The following TET1 variants were observed in gnomAD, a reference collection of about 807,000 sequenced individuals.
The protein encoded by TET1 is tet methylcytosine dioxygenase 1, also known as methylcytosine dioxygenase TET1.
TET1 carries 13 observed loss-of-function variants against 148.7 expected under a neutral mutation model. The ratio of observed to expected loss-of-function variants is 0.09; its 90% CI spans 0.06 to 0.14. The LOEUF (loss-of-function observed/expected upper bound fraction) is 0.14, where lower values mean the gene tolerates loss of function less well. Ranked by LOEUF, TET1 falls within the 10% of genes least tolerant of loss-of-function variation. The probability of loss-of-function intolerance (pLI) is 1.00; values close to 1 mark genes in which losing one functional copy is unlikely to be tolerated. For synonymous variants in TET1, 907 were observed against 937.2 expected, an observed-to-expected ratio of 0.97 and a Z score of 0.59; for missense variants, 2,182 against 2,553.8, an observed-to-expected ratio of 0.85 and a Z score of 3.14.
chr10:68,686,741 A>T (rs768232381), intron 11 of TET1, 34 bp downstream of exon 11: 46 of 1,559,950 alleles, frequency 2.9e-5, no homozygotes, highest in Middle Eastern at 3.4e-4. Context: ...TCTCTGCACA[A>T]CTTTGATGGA....
intron 8 of TET1, among the ~76,000 whole-genome samples, chr10:68,677,357 C>T (rs1361780790): frequency 7.2e-5 from 11 of 151,942 alleles, no homozygotes; most frequent in African/African-American, 2.2e-4. Context: ...TAAAAAAATC[C>T]GTAAAGGGCA....
chr10:68,681,575 T>G (rs1269759240), intron 9 of TET1, 87 bp downstream of exon 9: 2 of 838,348 alleles, frequency 2.4e-6, no homozygotes, highest in Non-Finnish European at 3.7e-6. Flanking sequence ...AGTGGCATGA[T>G]CAAAGCTTAC....
intron 6 of TET1, among the ~76,000 whole-genome samples, chr10:68,661,036 T>A (rs1457785550): frequency 6.6e-6 from 1 of 151,072 alleles, no homozygotes; most frequent in Non-Finnish European, 1.5e-5. Context: ...TGTTTTTGTT[T>A]TTGTTTTTTT....
At chr10:68,648,978 AC>A (rs2054891280) in intron 4 of TET1, among the ~76,000 whole-genome samples, 1 of 152,224 alleles carries the variant, frequency 6.6e-6, no homozygotes, top group African/African-American at 2.4e-5. Flanking sequence ...GAAGAATCTC[AC>A]AATTTGGAAA....
chr10:68,669,490 TTTGTA>T (rs1419009750), intron 7 of TET1, among the ~76,000 whole-genome samples: 13 of 104,858 alleles, frequency 1.2e-4, no homozygotes, highest in South Asian at 3.1e-4. Flanking sequence ...TTTTTTTTTT[TTTGTA>T]TTTTTTTGTA....
At position 68,646,712 on chromosome 10, in the gene TET1, A is replaced by G; in HGVS notation, c.3983A>G (p.Gln1328Arg). The change falls in exon 4 of 12, where the codon CAA becomes CGA. Residue 1328 changes from glutamine (Q) to arginine (R), a missense_variant. Gln to Arg is a conservative substitution (Grantham distance 43). Around this residue, in one of 11 missense-constraint regions of TET1, gnomAD observed 582 missense variants for 599.5 expected, o/e 0.97. Coordinates refer to ENST00000373644, the MANE Select transcript of TET1 (RefSeq NM_030625.3). ...CGGTTTCAGCAGGTTGTTAAGGAGCAACTCATGCATCAGAGACTGCCAACA... is the reference window on the plus strand; with the variant it reads ...CGGTTTCAGCAGGTTGTTAAGGAGCGACTCATGCATCAGAGACTGCCAACA... ...QIRFQQVVKE[Q>R]LMHQRLPTLP... is the part of the protein sequence containing the mutation. 3 of 1,614,180 alleles carry G rather than the reference A, an allele frequency of 1.9e-6. No homozygotes were observed. Among genetic ancestry groups the G allele is most frequent in the Non-Finnish European group, 2.5e-6 (3 of 1,180,040 alleles).
At chr10:68,688,131 C>A (rs774991641) in intron 11 of TET1, among the ~76,000 whole-genome samples, 1 of 152,162 alleles carries the variant, frequency 6.6e-6, no homozygotes, top group Non-Finnish European at 1.5e-5. Context: ...GAGTCTCACT[C>A]TGTCACCCAG....
intron 6 of TET1, among the ~76,000 whole-genome samples, chr10:68,662,057 T>C (rs1043094690): frequency 6.6e-6 from 1 of 152,046 alleles, no homozygotes. Context: ...GTATTTTTAA[T>C]AGAGACAGGG....
Position 68,651,924 on chromosome 10 carries a change from T to C in TET1, c.4355T>C (p.Ile1452Thr). 1.2e-6 allele frequency: 2 copies of C among 1,613,698 alleles called. No homozygotes were observed. Among genetic ancestry groups the C allele is most frequent in the Non-Finnish European group, 1.7e-6 (2 of 1,179,772 alleles). ...CCAAGTGTTGCTGCTGTCAGGGAAATCATGGAGAATAGGTGAGGAAATACG... is the reference window on the plus strand; with the variant it reads ...CCAAGTGTTGCTGCTGTCAGGGAAACCATGGAGAATAGGTGAGGAAATACG... Reference protein sequence around the residue: ...AGPSVAAVREIMENRYGQKGN... With the variant: ...AGPSVAAVRETMENRYGQKGN... The change falls in exon 5 of 12, where the codon ATC becomes ACC. Residue 1452 changes from isoleucine (I) to threonine (T), a missense_variant. Ile to Thr is a moderately conservative substitution (Grantham distance 89). This residue lies in a region of TET1 where 169 missense variants were observed against 263.7 expected (regional missense o/e 0.64). Coordinates refer to ENST00000373644, the MANE Select transcript of TET1 (RefSeq NM_030625.3).
At chr10:68,577,623 C>G (rs2053747870) in intron 2 of TET1, among the ~76,000 whole-genome samples, 1 of 152,046 alleles carries the variant, frequency 6.6e-6, no homozygotes, top group African/African-American at 2.4e-5. Context: ...GCCTGGCCAA[C>G]ATGGTGAAAC....
At chr10:68,641,665 AT>A (rs57618457) in intron 3 of TET1, among the ~76,000 whole-genome samples, 136,634 of 151,322 alleles carry the variant, frequency 0.9, 61,987 homozygotes, top group East Asian at 0.98. Context: ...TGCCCGGCTA[AT>A]TTTTTTTTTG....
chr10:68,629,696 C>G (rs978380121), intron 3 of TET1, among the ~76,000 whole-genome samples: 1 of 151,922 alleles, frequency 6.6e-6, no homozygotes, highest in South Asian at 2.1e-4. Context: ...TGCCACCACA[C>G]CCGGCCAATT....
rs540642224 is a variant in TET1, at chr10:68,692,137, C to A, written c.*323C>A. 3.7e-4 allele frequency: 115 copies of A among 311,082 alleles called. No homozygotes were observed. Among genetic ancestry groups the A allele is most frequent in the African/African-American group, 2.3e-3 (111 of 47,690 alleles). 19.3% of individuals were successfully genotyped at this position (311,082 alleles called of 1,614,324 possible). ...AGTCTGTTTACTATGAAACAAGAGT[C>A]ATTTTTAGAGGATTTTAACAGGTTC... is the stretch of plus-strand genomic sequence containing the variant. On this transcript the variant is annotated 3_prime_UTR_variant, in exon 12 of 12. Coordinates refer to ENST00000373644, the MANE Select transcript of TET1 (RefSeq NM_030625.3).
At chr10:68,639,594 A>G (rs1409013001) in intron 3 of TET1, among the ~76,000 whole-genome samples, 1 of 151,790 alleles carries the variant, frequency 6.6e-6, no homozygotes, top group Non-Finnish European at 1.5e-5. Context: ...TCAGCCTCCC[A>G]AGTAGATGGG....
At chr10:68,656,093 C>T (rs1404696325) in intron 6 of TET1, among the ~76,000 whole-genome samples, 5 of 151,916 alleles carry the variant, frequency 3.3e-5, no homozygotes, top group Non-Finnish European at 5.9e-5. Flanking sequence ...CAGATGGGAC[C>T]GTCTAGTTTT....
intron 2 of TET1, among the ~76,000 whole-genome samples, chr10:68,593,230 CAAAAAAAAA>C (rs576381158): frequency 2.8e-4 from 12 of 43,184 alleles, no homozygotes; most frequent in African/African-American, 9.5e-4. Flanking sequence ...AACTCTGTCT[CAAAAAAAAA>C]AAAAAAAAAA....
chr10:68,621,125 TAA>T (rs2054363921), intron 3 of TET1, among the ~76,000 whole-genome samples: 3 of 152,300 alleles, frequency 2.0e-5, no homozygotes, highest in African/African-American at 7.2e-5. Flanking sequence ...TTTCTTTGGG[TAA>T]TTATGGTTTT....
intron 8 of TET1, chr10:68,675,028 GA>G: frequency 6.9e-6 from 3 of 433,186 alleles, no homozygotes; most frequent in Non-Finnish European, 8.3e-6. Context: ...AGCAGTTCTG[GA>G]AAAGCCACTG....
Position 68,646,770 on chromosome 10 carries a change from G to T in TET1, c.4041G>T (p.Pro1347=). 1 of 1,614,054 alleles carries T rather than the reference G, an allele frequency of 6.2e-7. No individual in the cohort carries two copies. The highest frequency in any genetic ancestry group is 8.5e-7 in the Non-Finnish European group (1 of 1,180,016). Residue 1347 remains proline (P), a synonymous_variant, in exon 4 of 12, where the codon CCG becomes CCT. Coordinates refer to ENST00000373644, the MANE Select transcript of TET1 (RefSeq NM_030625.3). ...LPGISHETPL[P]ESALTLRNVN... is the part of the protein sequence containing the mutation. ...GTATCTCTCATGAAACACCCTTACC[G>T]GAGTCAGCACTAACTCTCAGGAATG...
Sources: gnomAD v4.1 joint callset for allele counts (sites outside exome capture counted in the v4.1 genomes callset) on GRCh38, gnomAD v4.1.1 for gene constraint, gnomAD v4.1.1 regional missense constraint, MANE v1.5 for transcripts, NCBI Gene and HGNC (gene_info 2026-07-23, HGNC 2026-07-21) for gene names.